The following MYOM2 variants were observed in gnomAD, a reference collection of about 807,000 sequenced individuals.
MYOM2 encodes the protein myomesin 2.
In MYOM2, 254 loss-of-function variants were observed where a neutral mutation model predicts 187.6. That is an observed-to-expected ratio of 1.35 (90% confidence interval 1.22 to 1.50). The LOEUF (loss-of-function observed/expected upper bound fraction) is 1.50, where lower values mean the gene tolerates loss of function less well. MYOM2 is among the 40% of genes most tolerant of loss of function. MYOM2 has a pLI of 0.00. For missense variants in MYOM2, 2,796 were observed against 1,924.0 expected (o/e 1.45, Z -8.48); for synonymous variants, 981 against 753.8 (o/e 1.30, Z -4.94).
chr8:2,057,005 T>C (rs992460439), intron 3 of MYOM2, among the ~76,000 whole-genome samples: 1 of 152,228 alleles, frequency 6.6e-6, no homozygotes, highest in Admixed American at 6.5e-5. Flanking sequence ...TGTCTTTTGC[T>C]GCTCACGGTA....
intron 12 of MYOM2, among the ~76,000 whole-genome samples, chr8:2,079,202 CT>C (rs3215428): frequency 0.45 from 67,960 of 151,810 alleles, 15,978 homozygotes; most frequent in African/African-American, 0.61. Flanking sequence ...AGAATTAGAC[CT>C]TTTTTTTATT....
intron 32 of MYOM2, among the ~76,000 whole-genome samples, chr8:2,136,398 G>C (rs959918667): frequency 1.1e-4 from 16 of 152,326 alleles, no homozygotes; most frequent in Admixed American, 1.3e-4. Flanking sequence ...AGTGCACCAA[G>C]TGGGCCAGTG....
chr8:2,121,272 G>C (rs1258684622), intron 28 of MYOM2, among the ~76,000 whole-genome samples: 1 of 152,110 alleles, frequency 6.6e-6, no homozygotes, highest in Non-Finnish European at 1.5e-5. Context: ...TATGGTGCTG[G>C]TTTATTCTTT....
At chr8:2,090,370 G>C (rs1796255610) in intron 15 of MYOM2, among the ~76,000 whole-genome samples, 179 bp downstream of exon 15, 1 of 152,206 alleles carries the variant, frequency 6.6e-6, no homozygotes, top group African/African-American at 2.4e-5. Context: ...TTTGGTTCTT[G>C]ACATTTCTCC....
chr8:2,106,758 T>G (rs576851453), intron 23 of MYOM2, among the ~76,000 whole-genome samples, 161 bp downstream of exon 23: 2 of 152,240 alleles, frequency 1.3e-5, no homozygotes, highest in Non-Finnish European at 2.9e-5. Context: ...CTTTAGAAAT[T>G]AAACAAACTC....
chr8:2,083,182 G>C (rs1819688541), intron 13 of MYOM2, among the ~76,000 whole-genome samples: 1 of 152,192 alleles, frequency 6.6e-6, no homozygotes, highest in Admixed American at 6.5e-5. Flanking sequence ...AAGCATGTGT[G>C]TTTATATATC....
intron 14 of MYOM2, among the ~76,000 whole-genome samples, chr8:2,087,833 C>G (rs1563448837): frequency 1.3e-5 from 2 of 152,126 alleles, no homozygotes; most frequent in Non-Finnish European, 2.9e-5. Context: ...GTTGCCCAGG[C>G]TGGTCTCAAA....
intron 27 of MYOM2, 124 bp downstream of exon 27, chr8:2,116,399 GAGGTT>G: frequency 1.1e-6 from 1 of 932,354 alleles, no homozygotes; most frequent in Non-Finnish European, 1.6e-6. Context: ...AAATGATTAA[GAGGTT>G]AGGCTTACCA....
intron 32 of MYOM2, among the ~76,000 whole-genome samples, chr8:2,140,257 A>G (rs1469095939): frequency 5.3e-5 from 8 of 152,180 alleles, no homozygotes. Flanking sequence ...TTTATGGACC[A>G]CATTCTACTG....
intron 28 of MYOM2, among the ~76,000 whole-genome samples, chr8:2,118,492 C>G (rs1281822564): frequency 6.6e-6 from 1 of 152,106 alleles, no homozygotes; most frequent in African/African-American, 2.4e-5. Flanking sequence ...TTTTTACTCC[C>G]AAACTAGTTT....
At chr8:2,076,582 G>A (rs1340859444) in intron 11 of MYOM2, 1 of 346,210 alleles carries the variant, frequency 2.9e-6, no homozygotes, top group East Asian at 6.0e-5. Context: ...GCCCCGCGCT[G>A]TGGTTCTGCT....
chr8:2,083,536 C>G (rs1361857224), intron 13 of MYOM2, among the ~76,000 whole-genome samples: 1 of 152,174 alleles, frequency 6.6e-6, no homozygotes, highest in Non-Finnish European at 1.5e-5. Context: ...TTAGCGGCAT[C>G]TTGCGTGTGC....
At chr8:2,086,360 T>C (rs1202406594) in intron 14 of MYOM2, among the ~76,000 whole-genome samples, 974 of 2,652 alleles carry the variant, frequency 0.37, 276 homozygotes, top group Middle Eastern at 0.5. Context: ...CTGCGTGGCC[T>C]CCCACTGTTG....
chr8:2,075,297 T>G (rs1007630915), intron 10 of MYOM2, among the ~76,000 whole-genome samples: 1 of 151,966 alleles, frequency 6.6e-6, no homozygotes, highest in Non-Finnish European at 1.5e-5. Context: ...CTCCGCCCCA[T>G]AAAAAGGCAA....
At chr8:2,088,364 G>A (rs1034249152) in intron 14 of MYOM2, among the ~76,000 whole-genome samples, 1 of 152,186 alleles carries the variant, frequency 6.6e-6, no homozygotes. Flanking sequence ...CTGATTTCGA[G>A]GTGCAGTTGA....
At chr8:2,137,675 A>G (rs1798129441) in intron 32 of MYOM2, among the ~76,000 whole-genome samples, 1 of 151,908 alleles carries the variant, frequency 6.6e-6, no homozygotes, top group Non-Finnish European at 1.5e-5. Flanking sequence ...AGTTTTTCTG[A>G]CTCTCAACAG....
At position 2,098,899 on chromosome 8, in the gene MYOM2, G is replaced by T; in HGVS notation, c.2356G>T (p.Ala786Ser). 1 of 1,613,004 alleles carries T rather than the reference G, an allele frequency of 6.2e-7. No individual in the cohort carries two copies. Among genetic ancestry groups the T allele is most frequent in the Non-Finnish European group, 8.5e-7 (1 of 1,179,598 alleles). ...AGGCTCACTCTACGAGTTCAAAATC[G>T]CCGCCGTCAACCTGGCCGGCATCGG... ...TEGSLYEFKI[A>S]AVNLAGIGEP... The change falls in exon 19 of 37, where the codon GCC (alanine) becomes TCC (serine). Residue 786 changes from alanine (A) to serine (S), a missense_variant. Ala to Ser is a moderately conservative substitution (Grantham distance 99). Transcript: ENST00000262113.
intron 11 of MYOM2, among the ~76,000 whole-genome samples, chr8:2,077,684 A>C (rs1196886793): frequency 6.6e-6 from 1 of 152,092 alleles, no homozygotes; most frequent in Non-Finnish European, 1.5e-5. Flanking sequence ...CGCCATGTTG[A>C]CAAAAACCAT....
intron 28 of MYOM2, among the ~76,000 whole-genome samples, chr8:2,120,980 A>G (rs925727285): frequency 1.3e-5 from 2 of 151,900 alleles, no homozygotes; most frequent in African/African-American, 4.8e-5. Context: ...CATTTATAAA[A>G]GAAGAGAAGG....
Sources: allele counts gnomAD v4.1 joint callset (sites outside exome capture counted in the v4.1 genomes callset), GRCh38; gene constraint gnomAD v4.1.1; transcripts MANE v1.5; gene names NCBI Gene and HGNC (gene_info 2026-07-23, HGNC 2026-07-21).